Variants in PCDHA7 observed in about 807,000 individuals in gnomAD.
PCDHA7 encodes the protein protocadherin alpha 7.
A neutral mutation model predicts 57.2 loss-of-function variants in PCDHA7; 37 were observed. That is an observed-to-expected ratio of 0.65 (90% confidence interval 0.50 to 0.85). The LOEUF (loss-of-function observed/expected upper bound fraction) is 0.85, where lower values mean the gene tolerates loss of function less well. Among genes scored for constraint, PCDHA7 ranks in the 40% least tolerant of loss-of-function variants. The pLI, the probability that PCDHA7 is intolerant of heterozygous loss-of-function variation, is 0.00. For missense variants in PCDHA7, 1,188 were observed against 1,241.8 expected (o/e 0.96, Z 0.65); for synonymous variants, 553 against 558.8 (o/e 0.99, Z 0.15).
At position 140,856,102 on chromosome 5, in the gene PCDHA7, TCTC is replaced by T. The variant is rs782690525; in HGVS notation, c.2355+19368_2355+19370del. On this transcript the variant is annotated intron_variant, in intron 1 of 3. Coordinates refer to ENST00000525929, the MANE Select transcript of PCDHA7 (RefSeq NM_018910.3). Reference sequence around the variant, plus strand: ...TCCAGTGTCTGCTGCTCTCGCTTCTTCTCCTCGCAGCCTGGGAGGTGGGGAGCG... The same window carrying T: ...TCCAGTGTCTGCTGCTCTCGCTTCTTCTCGCAGCCTGGGAGGTGGGGAGCG... 5.6e-6 allele frequency: 9 copies of T among 1,597,726 alleles called. 1 individual carries two copies. The South Asian group carries it at 7.7e-5, about 14-fold the overall frequency.
chr5:140,869,840 A>G (rs782569950), intron 1 of PCDHA7: 32 of 1,611,616 alleles, frequency 2.0e-5, no homozygotes, highest in Non-Finnish European at 2.6e-5. Context: ...GATAAATCAG[A>G]ATATAAGGTG....
chr5:140,843,055 C>G lies in PCDHA7; in HGVS notation c.2355+6317C>G, dbSNP rs2150351247. 2.5e-6 allele frequency: 4 copies of G among 1,594,954 alleles called. No homozygotes were observed. In the African/African-American group the frequency reaches 4.0e-5, roughly 16 times the overall value. Reference sequence around the variant, plus strand: ...TGGGTGGCACTGGTGGCGCAGCGAGCAAGCTGGTGCCGCGGTCTGTGGGCG... The same window carrying G: ...TGGGTGGCACTGGTGGCGCAGCGAGGAAGCTGGTGCCGCGGTCTGTGGGCG... On this transcript the variant is annotated intron_variant, in intron 1 of 3. Transcript: ENST00000525929.
intron 1 of PCDHA7, among the ~76,000 whole-genome samples, chr5:140,958,399 T>C (rs1554223458): frequency 6.6e-6 from 1 of 152,178 alleles, no homozygotes; most frequent in African/African-American, 2.4e-5. Flanking sequence ...CATCAAACAT[T>C]ATCACTGATG....
chr5:141,008,953 A>G (rs1554261966), intron 3 of PCDHA7, among the ~76,000 whole-genome samples: 1 of 152,240 alleles, frequency 6.6e-6, no homozygotes, highest in African/African-American at 2.4e-5. Context: ...CAAAATAGAC[A>G]TCCTAATACA....
intron 3 of PCDHA7, among the ~76,000 whole-genome samples, chr5:140,987,604 T>G (rs2097261353): frequency 6.6e-6 from 1 of 152,222 alleles, no homozygotes; most frequent in Admixed American, 6.5e-5. Context: ...GTCTACCTTA[T>G]AGGGTTCTTG....
chr5:140,924,057 T>C (rs1337031156), intron 1 of PCDHA7, among the ~76,000 whole-genome samples: 2 of 152,258 alleles, frequency 1.3e-5, no homozygotes, highest in Non-Finnish European at 2.9e-5. Context: ...GGTACATCTT[T>C]ACAGTTGTAT....
Position 140,842,470 on chromosome 5 carries a change from G to T in PCDHA7, c.2355+5732G>T, listed in dbSNP as rs2150336906. 2.9e-5 allele frequency: 47 copies of T among 1,613,802 alleles called. 1 individual carries two copies. Among genetic ancestry groups the T allele is most frequent in the South Asian group, 2.4e-4 (22 of 91,082 alleles). ...ACGACCTCGATTCAGGTGCCAACGG[G>T]CAGGTGACCTGCTCCCTGATGCCCC... is the stretch of plus-strand genomic sequence containing the variant. On this transcript the variant is annotated intron_variant, in intron 1 of 3. Transcript: ENST00000525929.
chr5:140,920,854 A>C (rs1369314704), intron 1 of PCDHA7, among the ~76,000 whole-genome samples: 1 of 152,006 alleles, frequency 6.6e-6, no homozygotes, highest in East Asian at 1.9e-4. Context: ...AAAAAAAAAA[A>C]AAAACAAACA....
chr5:140,993,282 C>G lies in PCDHA7; in HGVS notation c.2503+10719C>G, dbSNP rs183298575. On this transcript the variant is annotated intron_variant, in intron 3 of 3. Transcript: ENST00000525929. Reference sequence around the variant, plus strand: ...ATTAGCTTCTTTGGTCTTTTCTTGCCCAGGGTCACAACCTTGCCTCCAGGA... The same window carrying G: ...ATTAGCTTCTTTGGTCTTTTCTTGCGCAGGGTCACAACCTTGCCTCCAGGA... Among the ~76,000 whole-genome samples, 618 of 151,922 alleles carry G rather than the reference C, an allele frequency of 4.1e-3. 6 individuals are homozygous for G. Among genetic ancestry groups the G allele is most frequent in the Non-Finnish European group, 5.9e-3 (399 of 67,976 alleles).
chr5:140,884,534 C>T (rs781847666), intron 1 of PCDHA7: 3 of 1,614,180 alleles, frequency 1.9e-6, no homozygotes, highest in Admixed American at 3.3e-5. Context: ...GCAGAGGCGG[C>T]CGAGGGTGTG....
chr5:140,880,318 A>G (rs2058303482), intron 1 of PCDHA7, among the ~76,000 whole-genome samples: 1 of 152,268 alleles, frequency 6.6e-6, no homozygotes, highest in Admixed American at 6.5e-5. Context: ...CAAGTAAAAA[A>G]TAAGATACTA....
In PCDHA7 at chr5:140,848,671, T is replaced by C. The variant is rs2150416657; in HGVS notation, c.2355+11933T>C. The C allele has an allele frequency of 3.1e-6, 5 of 1,592,316 alleles. 1 individual carries two copies. The highest frequency in any genetic ancestry group is 2.2e-5 in the South Asian group (2 of 90,134). On this transcript the variant is annotated intron_variant, in intron 1 of 3. Transcript: ENST00000525929. ...GACCTGGGGCTGGAGCTGGCGGAGCTGGTGCCGCGCCTGTTCCAGTTGGAT... is the reference window on the plus strand; with the variant it reads ...GACCTGGGGCTGGAGCTGGCGGAGCCGGTGCCGCGCCTGTTCCAGTTGGAT...
At chr5:140,897,340 C>G (rs1326802877) in intron 1 of PCDHA7, among the ~76,000 whole-genome samples, 1 of 122,842 alleles carries the variant, frequency 8.1e-6, no homozygotes, top group African/African-American at 3.1e-5. Flanking sequence ...CCCCTCCCCC[C>G]ACCCCACAAC....
At chr5:140,952,009 G>A (rs780606946) in intron 1 of PCDHA7, among the ~76,000 whole-genome samples, 1 of 152,102 alleles carries the variant, frequency 6.6e-6, no homozygotes, top group African/African-American at 2.4e-5. Flanking sequence ...AGAATTATAG[G>A]CCCCATGCAA....
chr5:140,879,836 G>A, intron 1 of PCDHA7, among the ~76,000 whole-genome samples: 1 of 152,186 alleles, frequency 6.6e-6, no homozygotes, highest in Non-Finnish European at 1.5e-5. Flanking sequence ...GCTTGTGGCT[G>A]TACCACTCCC....
intron 1 of PCDHA7, among the ~76,000 whole-genome samples, chr5:140,919,585 G>A (rs2079204849): frequency 6.6e-6 from 1 of 151,898 alleles, no homozygotes; most frequent in African/African-American, 2.4e-5. Flanking sequence ...ATGTAACATG[G>A]TAATTTTTAA....
At chr5:140,960,079 A>G (rs1006555188) in intron 1 of PCDHA7, among the ~76,000 whole-genome samples, 1 of 152,228 alleles carries the variant, frequency 6.6e-6, no homozygotes, top group African/African-American at 2.4e-5. Flanking sequence ...TGAAGTTTCT[A>G]AAAGAGAAAG....
intron 3 of PCDHA7, among the ~76,000 whole-genome samples, chr5:140,983,419 A>G (rs1209385386): frequency 5.3e-5 from 8 of 152,210 alleles, no homozygotes; most frequent in Non-Finnish European, 1.2e-4. Flanking sequence ...GTGTTGGTAG[A>G]GACCACAAAT....
At chr5:140,910,850 A>G (rs1285161954) in intron 1 of PCDHA7, among the ~76,000 whole-genome samples, 1 of 152,168 alleles carries the variant, frequency 6.6e-6, no homozygotes, top group Non-Finnish European at 1.5e-5. Flanking sequence ...CCTTGGATCT[A>G]TGTTCCATCC....
Sources: allele counts gnomAD v4.1 joint callset (sites outside exome capture counted in the v4.1 genomes callset), GRCh38; gene constraint gnomAD v4.1.1; transcripts MANE v1.5; gene names NCBI Gene and HGNC (gene_info 2026-07-23, HGNC 2026-07-21).